INTS2: variants seen among roughly 807,000 people sequenced by gnomAD.
The protein encoded by INTS2 is integrator complex subunit 2, also known as KIAA1287.
A neutral mutation model predicts 139.6 loss-of-function variants in INTS2; 57 were observed. The observed-to-expected ratio is 0.41, with a 90% confidence interval of 0.33 to 0.51. The LOEUF (loss-of-function observed/expected upper bound fraction) is 0.51, where lower values mean the gene tolerates loss of function less well. Among genes scored for constraint, INTS2 ranks in the 20% least tolerant of loss-of-function variants. The pLI, the probability that INTS2 is intolerant of heterozygous loss-of-function variation, is 0.28. For missense variants in INTS2, 1,196 were observed against 1,436.7 expected (o/e 0.83, Z 2.71); for synonymous variants, 473 against 493.4 (o/e 0.96, Z 0.55).
Position 61,897,486 on chromosome 17 carries a change from A to T in INTS2, c.1477T>A (p.Ser493Thr). The change falls in exon 11 of 25, where the codon TCC becomes ACC. Residue 493 changes from serine (S) to threonine (T), a missense_variant. Coordinates refer to ENST00000251334, the MANE Select transcript of INTS2 (RefSeq NM_001351695.2). The surrounding 1 kb of genome is among the most constrained non-coding windows in gnomAD (Gnocchi z 4.4). ...AAAATTACCTTCATCCCCAAAGTGGAACAGACCAAGTCAATGATAGCACTA... is the reference window on the plus strand; with the variant it reads ...AAAATTACCTTCATCCCCAAAGTGGTACAGACCAAGTCAATGATAGCACTA... Reference protein sequence around the residue: ...QLSAIIDLVCSTLGMKIVIKP... With the variant: ...QLSAIIDLVCTTLGMKIVIKP... 6.3e-7 allele frequency: 1 copy of T among 1,585,852 alleles called. No homozygotes were observed.
At position 61,895,296 on chromosome 17, in the gene INTS2, TA is replaced by T. The variant is rs746602780; in HGVS notation, c.1563+18del. On this transcript the variant is annotated intron_variant, in intron 12 of 24. Transcript: ENST00000251334. ...TGTAAAAGAAAGTTAAATAAGTACCTAAGAATAAAAAGAAATACCTGCTCAG... is the reference window on the plus strand; with the variant it reads ...TGTAAAAGAAAGTTAAATAAGTACCTAGAATAAAAAGAAATACCTGCTCAG... 6.9e-7 allele frequency: 1 copy of T among 1,457,186 alleles called. No individual in the cohort carries two copies. Among genetic ancestry groups the T allele is most frequent in the Non-Finnish European group, 9.4e-7 (1 of 1,067,506 alleles). 90.3% of individuals were successfully genotyped at this position (1,457,186 alleles called of 1,614,324 possible). A position where few individuals can be genotyped will look rare whatever the true frequency, so the allele number is the denominator to read the frequency against.
At chr17:61,918,069 C>G (rs2079601158) in intron 5 of INTS2, among the ~76,000 whole-genome samples, 1 of 152,112 alleles carries the variant, frequency 6.6e-6, no homozygotes, top group Non-Finnish European at 1.5e-5. Context: ...ACAATTATGT[C>G]TGGAGACATC....
chr17:61,907,915 T>C (rs1283107154), intron 7 of INTS2, among the ~76,000 whole-genome samples: 2 of 152,220 alleles, frequency 1.3e-5, no homozygotes, highest in Non-Finnish European at 2.9e-5. Context: ...TTCAAATACA[T>C]AAAGACTAAC....
Position 61,911,980 on chromosome 17 carries a change from T to C in INTS2, c.740A>G (p.Lys247Arg), listed in dbSNP as rs906014409. ...CTTGAGGGCCTGAGAAGGATTCATTTTACACAAGAAGCGTAAGGCATCTGT... is the reference window on the plus strand; with the variant it reads ...CTTGAGGGCCTGAGAAGGATTCATTCTACACAAGAAGCGTAAGGCATCTGT... ...RRTDALRFLC[K>R]MNPSQALKVR... Residue 247 changes from lysine (K) to arginine (R), a missense_variant, in exon 6 of 25, where the codon AAA becomes AGA. Physicochemically the swap from Lys to Arg is conservative, Grantham distance 26. Around this residue, in one of 3 missense-constraint regions of INTS2, gnomAD observed 1,129 missense variants for 1,341.9 expected, o/e 0.84. Coordinates refer to ENST00000251334, the MANE Select transcript of INTS2 (RefSeq NM_001351695.2). 1 of 1,613,790 alleles carries C rather than the reference T, an allele frequency of 6.2e-7. No individual in the cohort carries two copies. Among genetic ancestry groups the C allele is most frequent in the Non-Finnish European group, 8.5e-7 (1 of 1,179,822 alleles).
chr17:61,884,885 G>C lies in INTS2; in HGVS notation c.2089+16C>G. The C allele has an allele frequency of 6.6e-7, 1 of 1,521,316 alleles. No individual in the cohort carries two copies. The highest frequency in any genetic ancestry group is 9.0e-7 in the Non-Finnish European group (1 of 1,107,532). 94.2% of individuals were successfully genotyped at this position (1,521,316 alleles called of 1,614,324 possible). On this transcript the variant is annotated intron_variant, in intron 16 of 24. Coordinates refer to ENST00000251334, the MANE Select transcript of INTS2 (RefSeq NM_001351695.2). ...TAACAATAAACTTTAGCAGTAAAAA[G>C]CAAAATAAAACATACCTCCCAACTC...
intron 3 of INTS2, among the ~76,000 whole-genome samples, chr17:61,924,215 G>A (rs1246070324): frequency 6.6e-6 from 1 of 152,056 alleles, no homozygotes; most frequent in East Asian, 1.9e-4. Flanking sequence ...GTGTCTAAAT[G>A]AATCACATAC....
chr17:61,878,640 T>TG (rs2079147124), intron 17 of INTS2, among the ~76,000 whole-genome samples: 1 of 150,534 alleles, frequency 6.6e-6, no homozygotes, highest in African/African-American at 2.5e-5. Flanking sequence ...CAAAAATATT[T>TG]TTTAAAAATC....
chr17:61,921,755 C>T lies in INTS2; in HGVS notation c.505G>A (p.Ala169Thr). 6.2e-7 allele frequency: 1 copy of T among 1,604,180 alleles called. No homozygotes were observed. Among genetic ancestry groups the T allele is most frequent in the South Asian group, 1.1e-5 (1 of 89,490 alleles). ...TGTAAAATACAAAGTACATCTGCAG[C>T]TTCCTCCAAATATACTGGACTCTCA... ...LFESPVYLEE[A>T]ADVLCILQAE... The change falls in exon 4 of 25, where the codon GCT becomes ACT. Residue 169 changes from alanine to threonine, a missense_variant. Around this residue, in one of 3 missense-constraint regions of INTS2, gnomAD observed 1,129 missense variants for 1,341.9 expected, o/e 0.84. Coordinates refer to ENST00000251334, the MANE Select transcript of INTS2 (RefSeq NM_001351695.2).
chr17:61,885,287 A>G (rs1303631414), intron 15 of INTS2: 4 of 416,934 alleles, frequency 9.6e-6, no homozygotes, highest in Non-Finnish European at 1.7e-5. Context: ...AGTGCCCTAC[A>G]CTAAAAGAAC....
rs2079363523 is a variant in INTS2 at position 61,897,690 on chromosome 17, T to C, written c.1357A>G (p.Lys453Glu). ...LMVVWLSWMIKEEAYFESTSG... is the reference protein window; with the variant it reads ...LMVVWLSWMIEEEAYFESTSG... ...TACCTCTCAAAATACGCTTCTTCTT[T>C]TATCATCCAACTTAGCCACACCACC... The change falls in exon 10 of 25, where the codon AAA (lysine) becomes GAA (glutamate). Residue 453 changes from lysine to glutamate, a missense_variant. By Grantham distance (56) the Lys-to-Glu change is moderately conservative (BLOSUM62 1). Coordinates refer to ENST00000251334, the MANE Select transcript of INTS2 (RefSeq NM_001351695.2). This position sits in a 1 kb window ranked among gnomAD's most constrained non-coding sequence, Gnocchi z 4.4. 6.2e-7 allele frequency: 1 copy of C among 1,607,952 alleles called. No homozygotes were observed. Among genetic ancestry groups the C allele is most frequent in the Non-Finnish European group, 8.5e-7 (1 of 1,176,952 alleles).
chr17:61,915,252 C>T (rs1249611950), intron 5 of INTS2, among the ~76,000 whole-genome samples: 2 of 151,106 alleles, frequency 1.3e-5, no homozygotes, highest in Non-Finnish European at 3.0e-5. Context: ...ACAGGAGAAT[C>T]GCTTGAACTG....
At chr17:61,918,450 C>G (rs1322363956) in intron 5 of INTS2, among the ~76,000 whole-genome samples, 2 of 152,108 alleles carry the variant, frequency 1.3e-5, no homozygotes, top group South Asian at 2.1e-4. Flanking sequence ...CTATGTTGGC[C>G]AGGCTGGTCT....
Position 61,876,812 on chromosome 17 carries a change from G to A in INTS2, c.2456+1075C>T, listed in dbSNP as rs146167547. On this transcript the variant is annotated intron_variant, in intron 18 of 24. Coordinates refer to ENST00000251334, the MANE Select transcript of INTS2 (RefSeq NM_001351695.2). The surrounding 1 kb of genome is among the most constrained non-coding windows in gnomAD (Gnocchi z 4.1). Reference sequence around the variant, plus strand: ...GTGAAGTAAATTTCCCCTCAATAATGAAGCTTGGGGATGAATTAGTTATTG... The same window carrying A: ...GTGAAGTAAATTTCCCCTCAATAATAAAGCTTGGGGATGAATTAGTTATTG... Among the ~76,000 whole-genome samples the A allele has an allele frequency of 0.012, 1,867 of 152,224 alleles. 10 individuals are homozygous for A. Among genetic ancestry groups the A allele is most frequent in the Middle Eastern group, 0.037 (11 of 294 alleles).
chr17:61,912,849 G>A (rs564832324), intron 5 of INTS2, among the ~76,000 whole-genome samples: 1 of 151,882 alleles, frequency 6.6e-6, no homozygotes, highest in Non-Finnish European at 1.5e-5. Flanking sequence ...AGGCCGAGGT[G>A]AGTGGATCAC....
At chr17:61,921,456 C>T (rs1273423311) in intron 4 of INTS2, 1 of 226,000 alleles carries the variant, frequency 4.4e-6, no homozygotes, top group East Asian at 9.0e-5. Flanking sequence ...TTTCACTTAA[C>T]ATATTGTAAA....
At chr17:61,914,417 G>A (rs145519363) in intron 5 of INTS2, among the ~76,000 whole-genome samples, 10 of 152,152 alleles carry the variant, frequency 6.6e-5, no homozygotes, top group Admixed American at 2.0e-4. Flanking sequence ...TTAGCTGGGC[G>A]CGCCAGGTGC....
intron 14 of INTS2, among the ~76,000 whole-genome samples, 200 bp from the exon 15 acceptor site, chr17:61,890,094 C>T (rs2079274930): frequency 6.6e-6 from 1 of 152,112 alleles, no homozygotes; most frequent in Admixed American, 6.6e-5. Flanking sequence ...TGAAAGGCAA[C>T]ATGCTTAAGT....
At chr17:61,900,978 T>C (rs1439344302) in intron 9 of INTS2, among the ~76,000 whole-genome samples, 3 of 151,962 alleles carry the variant, frequency 2.0e-5, no homozygotes, top group Non-Finnish European at 4.4e-5. Flanking sequence ...TATATGTATA[T>C]GAACAATTAA....
In INTS2 at chr17:61,871,143, T is replaced by C. The variant is rs371102350; in HGVS notation, c.2778+1122A>G. ...TTGATTTTTGTTGTTGTTGTTGAGATGGAGTCTCGCTCTGTCGCCCAGGCT... is the reference window on the plus strand; with the variant it reads ...TTGATTTTTGTTGTTGTTGTTGAGACGGAGTCTCGCTCTGTCGCCCAGGCT... On this transcript the variant is annotated intron_variant, in intron 20 of 24. Transcript: ENST00000251334. This position sits in a 1 kb window ranked among gnomAD's most constrained non-coding sequence, Gnocchi z 4.9. Among the ~76,000 whole-genome samples the C allele has an allele frequency of 6.6e-6, 1 of 152,300 alleles. No homozygotes were observed. Among genetic ancestry groups the C allele is most frequent in the Non-Finnish European group, 1.5e-5 (1 of 68,008 alleles).
Sources: allele counts gnomAD v4.1 joint callset (sites outside exome capture counted in the v4.1 genomes callset), GRCh38; gene constraint gnomAD v4.1.1; regional missense constraint gnomAD v4.1.1; non-coding constraint Gnocchi (gnomAD v3.1); transcripts MANE v1.5; gene names NCBI Gene and HGNC (gene_info 2026-07-23, HGNC 2026-07-21).